The following DEPTOR variants were observed in gnomAD, a reference collection of about 807,000 sequenced individuals.
DEPTOR encodes DEP domain containing MTOR interacting protein, also known as DEP domain-containing mTOR-interacting protein.
Under a neutral mutation model 41.6 loss-of-function variants are expected in DEPTOR, and 41 were observed. The observed-to-expected ratio is 0.98, with a 90% CI of 0.77 to 1.28. The LOEUF is 1.28. DEPTOR is among the 50% of genes most tolerant of loss of function. The pLI is 0.00. For synonymous variants in DEPTOR, 195 were observed against 192.3 expected (o/e 1.01, Z -0.12); for missense variants, 514 against 527.9 (o/e 0.97, Z 0.26).
chr8:119,940,460 A>G (rs1563971328), intron 3 of DEPTOR, among the ~76,000 whole-genome samples: 1 of 152,110 alleles, frequency 6.6e-6, no homozygotes, highest in African/African-American at 2.4e-5. Flanking sequence ...AAAAGGAAAA[A>G]TATGGCCGGG....
chr8:119,991,094 T>TTAAAA (rs1563584699), intron 4 of DEPTOR, among the ~76,000 whole-genome samples: 8 of 120,624 alleles, frequency 6.6e-5, no homozygotes, highest in African/African-American at 9.9e-5. Flanking sequence ...TTCTTTTTCT[T>TTAAAA]TCTTTCTTTC....
chr8:119,886,484 C>CACATAG (rs1325509216), intron 1 of DEPTOR, among the ~76,000 whole-genome samples: 1 of 151,678 alleles, frequency 6.6e-6, no homozygotes, highest in East Asian at 1.9e-4. Flanking sequence ...CATACACATA[C>CACATAG]ACACACAGAC....
intron 4 of DEPTOR, among the ~76,000 whole-genome samples, chr8:119,980,215 C>A (rs894165790): frequency 6.6e-6 from 1 of 150,538 alleles, no homozygotes; most frequent in Non-Finnish European, 1.5e-5. Flanking sequence ...TACTTTAACT[C>A]GCCATCTCCA....
chr8:119,910,941 G>A (rs1827727985), intron 1 of DEPTOR, among the ~76,000 whole-genome samples: 1 of 152,018 alleles, frequency 6.6e-6, no homozygotes, highest in Non-Finnish European at 1.5e-5. Context: ...TTTCCTAGAG[G>A]GGTGTGTGTG....
intron 4 of DEPTOR, among the ~76,000 whole-genome samples, chr8:119,967,998 G>C (rs1336262622): frequency 2.0e-5 from 3 of 152,098 alleles, no homozygotes; most frequent in Non-Finnish European, 4.4e-5. Context: ...ACTCACAGCT[G>C]TCTGTTGGTG....
chr8:119,922,099 C>T (rs1413524863), intron 1 of DEPTOR, among the ~76,000 whole-genome samples: 1 of 151,832 alleles, frequency 6.6e-6, no homozygotes, highest in Non-Finnish European at 1.5e-5. Context: ...ATTAGCTGGG[C>T]ATGGTGGCGG....
chr8:119,979,087 G>A (rs116169142), intron 4 of DEPTOR, among the ~76,000 whole-genome samples: 4 of 151,954 alleles, frequency 2.6e-5, no homozygotes, highest in African/African-American at 4.8e-5. Context: ...ACCACGGAAC[G>A]GTATGAAGAT....
At chr8:120,017,811 G>A (rs1812636145) in intron 8 of DEPTOR, among the ~76,000 whole-genome samples, 1 of 152,178 alleles carries the variant, frequency 6.6e-6, no homozygotes, top group Non-Finnish European at 1.5e-5. Flanking sequence ...TCCTGTGAGA[G>A]TGTTCAAGTT....
At chr8:120,007,330 G>A (rs1319500361) in intron 7 of DEPTOR, among the ~76,000 whole-genome samples, 1 of 152,086 alleles carries the variant, frequency 6.6e-6, no homozygotes, top group Non-Finnish European at 1.5e-5. Context: ...TAAAACATTA[G>A]GGGAGTGTTA....
chr8:120,013,839 AC>A (rs1334046208), intron 8 of DEPTOR, among the ~76,000 whole-genome samples: 1 of 110,482 alleles, frequency 9.1e-6, no homozygotes, highest in Non-Finnish European at 1.8e-5. Flanking sequence ...TGCTATGACT[AC>A]TTTTTTTTTT....
chr8:119,999,030 G>A (rs1812309935), intron 4 of DEPTOR, among the ~76,000 whole-genome samples: 1 of 151,836 alleles, frequency 6.6e-6, no homozygotes, highest in Admixed American at 6.6e-5. Context: ...TTGGGAGGTC[G>A]AGGTGGGCAG....
chr8:119,925,537 T>G (rs1389032214), intron 1 of DEPTOR, among the ~76,000 whole-genome samples: 2 of 152,218 alleles, frequency 1.3e-5, no homozygotes, highest in African/African-American at 4.8e-5. Context: ...GGCCCTGCCC[T>G]TGACACATGG....
At chr8:119,909,849 AG>A (rs1413304914) in intron 1 of DEPTOR, among the ~76,000 whole-genome samples, 2 of 152,242 alleles carry the variant, frequency 1.3e-5, no homozygotes, top group Non-Finnish European at 2.9e-5. Flanking sequence ...CAGTATGTAG[AG>A]GTAATTAATA....
At chr8:120,012,368 A>G (rs879352778) in intron 8 of DEPTOR, among the ~76,000 whole-genome samples, 2 of 152,210 alleles carry the variant, frequency 1.3e-5, no homozygotes, top group African/African-American at 2.4e-5. Flanking sequence ...CTCCTAGGCT[A>G]TAAACACTGT....
At chr8:119,881,607 A>C (rs947866080) in intron 1 of DEPTOR, among the ~76,000 whole-genome samples, 1 of 152,112 alleles carries the variant, frequency 6.6e-6, no homozygotes, top group Non-Finnish European at 1.5e-5. Context: ...GAGATAAGGA[A>C]TTTAGAGCAT....
At chr8:119,883,817 G>T (rs1435313977) in intron 1 of DEPTOR, among the ~76,000 whole-genome samples, 1 of 152,130 alleles carries the variant, frequency 6.6e-6, no homozygotes, top group Non-Finnish European at 1.5e-5. Flanking sequence ...GGGCCAGTAG[G>T]TATCTATGTC....
chr8:119,892,123 C>G (rs1471137724), intron 1 of DEPTOR, among the ~76,000 whole-genome samples: 2 of 152,150 alleles, frequency 1.3e-5, no homozygotes, highest in Non-Finnish European at 2.9e-5. Context: ...TTCAGCCTCC[C>G]GAGTAGCTGG....
chr8:120,042,976 G>A lies in DEPTOR; in HGVS notation c.1102-6600G>A, dbSNP rs544375677. 4.6e-5 allele frequency among the ~76,000 whole-genome samples: 7 copies of A among 150,654 alleles called. No individual in the cohort carries two copies. In the East Asian group the frequency reaches 1.2e-3, roughly 25 times the overall value. On this transcript the variant is annotated intron_variant, in intron 8 of 8. Coordinates refer to ENST00000286234, the MANE Select transcript of DEPTOR (RefSeq NM_022783.4). ...AGTGATTCTCCTGCCTCAGCCTCCC[G>A]AGTAGCTGGGATTACAGGTATGTAC...
intron 3 of DEPTOR, among the ~76,000 whole-genome samples, chr8:119,952,487 A>C (rs984727250): frequency 5.9e-5 from 9 of 152,182 alleles, no homozygotes; most frequent in African/African-American, 1.2e-4. Flanking sequence ...TCCAAGATAC[A>C]TGTGCAGAAC....
Sources: gnomAD v4.1 joint callset for allele counts (sites outside exome capture counted in the v4.1 genomes callset) on GRCh38, gnomAD v4.1.1 for gene constraint, MANE v1.5 for transcripts, NCBI Gene and HGNC (gene_info 2026-07-23, HGNC 2026-07-21) for gene names.